Variants in PARG observed in about 807,000 individuals in gnomAD.
The protein encoded by PARG is poly(ADP-ribose) glycohydrolase.
Under a neutral mutation model 113.0 loss-of-function variants are expected in PARG, and 35 were observed. The ratio of observed to expected loss-of-function variants is 0.31; its 90% CI spans 0.24 to 0.41. The LOEUF is 0.41. Among genes scored for constraint, PARG ranks in the 10% least tolerant of loss-of-function variants. PARG has a pLI of 1.00. For synonymous variants in PARG, 330 were observed against 409.9 expected (o/e 0.81, Z 2.36); for missense variants, 797 against 1,169.4 (o/e 0.68, Z 4.64).
chr10:49,841,899 G>T, intron 15 of PARG, 51 bp downstream of exon 15: 3 of 1,104,772 alleles, frequency 2.7e-6, no homozygotes, highest in Non-Finnish European at 2.7e-6. Flanking sequence ...TAATAAAATG[G>T]CAGTAAATAG....
chr10:49,928,235 C>T (rs1838311295), intron 4 of PARG, among the ~76,000 whole-genome samples: 1 of 151,820 alleles, frequency 6.6e-6, no homozygotes, highest in African/African-American at 2.4e-5. Context: ...CACACCACTG[C>T]ACTCCAGTCT....
chr10:49,823,540 A>G (rs769089131), intron 16 of PARG, among the ~76,000 whole-genome samples: 17 of 152,204 alleles, frequency 1.1e-4, no homozygotes, highest in Admixed American at 5.9e-4. Context: ...CAAAATAGAG[A>G]TAAGTTTTAA....
chr10:49,827,846 T>C (rs1319110088), intron 16 of PARG, among the ~76,000 whole-genome samples: 1 of 152,098 alleles, frequency 6.6e-6, no homozygotes, highest in Non-Finnish European at 1.5e-5. Flanking sequence ...AATAATTGAC[T>C]ATGTTAGGCC....
At chr10:49,827,096 T>C (rs928461725) in intron 16 of PARG, among the ~76,000 whole-genome samples, 7 of 152,178 alleles carry the variant, frequency 4.6e-5, no homozygotes, top group Non-Finnish European at 8.8e-5. Context: ...AGAATCCTAA[T>C]ACAGAACTTT....
chr10:49,862,399 G>A (rs1374441273), intron 11 of PARG, among the ~76,000 whole-genome samples: 3 of 151,310 alleles, frequency 2.0e-5, no homozygotes, highest in African/African-American at 7.3e-5. Flanking sequence ...ACTCACATAA[G>A]AGTGCCCATA....
At chr10:49,918,444 T>C (rs781964135) in intron 6 of PARG, among the ~76,000 whole-genome samples, 1 of 152,252 alleles carries the variant, frequency 6.6e-6, no homozygotes. Context: ...ATGAGATTGC[T>C]TGTCATTAGA....
chr10:49,857,563 C>G, intron 12 of PARG, 110 bp from the exon 13 acceptor site: 1 of 598,600 alleles, frequency 1.7e-6, no homozygotes, highest in Non-Finnish European at 3.0e-6. Flanking sequence ...GAAAATCAAT[C>G]CCCAAATAAG....
chr10:49,937,082 G>C (rs1838784163), intron 1 of PARG, among the ~76,000 whole-genome samples: 1 of 152,224 alleles, frequency 6.6e-6, no homozygotes, highest in Admixed American at 6.5e-5. Context: ...TTCAGTCAGA[G>C]GGAGTAAGAG....
chr10:49,826,347 A>G (rs555345402), intron 16 of PARG, among the ~76,000 whole-genome samples: 2 of 152,294 alleles, frequency 1.3e-5, no homozygotes, highest in East Asian at 3.9e-4. Context: ...CCAATGCTCT[A>G]TACTCCTACC....
At chr10:49,910,053 T>C (rs1239141295) in intron 7 of PARG, 1 of 151,860 alleles carries the variant, frequency 6.6e-6, no homozygotes, top group African/African-American at 2.4e-5. Flanking sequence ...ACAGATATAA[T>C]AACATGATCA....
rs1344229230 is a variant in PARG at position 49,937,430 on chromosome 10, C to T, written c.218-2288G>A. 4.0e-5 allele frequency among the ~76,000 whole-genome samples: 6 copies of T among 151,148 alleles called. No homozygotes were observed. In the East Asian group the frequency reaches 7.8e-4, roughly 20 times the overall value. On this transcript the variant is annotated intron_variant, in intron 1 of 17. Transcript: ENST00000616448. ...GGTGGAGCTTGCAGTGAGCGGAGAT[C>T]GCGCCACTGCACTCCAGCCTGGGCG... is the stretch of plus-strand genomic sequence containing the variant.
At chr10:49,831,671 G>A (rs570952821) in intron 16 of PARG, among the ~76,000 whole-genome samples, 1 of 152,274 alleles carries the variant, frequency 6.6e-6, no homozygotes, top group East Asian at 1.9e-4. Context: ...TGGTGTACAC[G>A]CTGATGTGCC....
intron 7 of PARG, among the ~76,000 whole-genome samples, chr10:49,900,953 G>A (rs187866979): frequency 6.6e-6 from 1 of 152,176 alleles, no homozygotes; most frequent in African/African-American, 2.4e-5. Context: ...ACAGCTAATG[G>A]TGATGTAAGT....
chr10:49,934,570 C>T (rs1838654601), intron 2 of PARG, among the ~76,000 whole-genome samples: 1 of 152,020 alleles, frequency 6.6e-6, no homozygotes, highest in Non-Finnish European at 1.5e-5. Context: ...CACAGACTGG[C>T]CGGGCGCAGT....
At chr10:49,828,088 T>TAAA (rs1564594600) in intron 16 of PARG, among the ~76,000 whole-genome samples, 5 of 5,054 alleles carry the variant, frequency 9.9e-4, no homozygotes, top group Non-Finnish European at 3.0e-3. Context: ...GTAGAAAGCT[T>TAAA]AAACAAAAAA....
chr10:49,840,164 G>A (rs1753638902), intron 15 of PARG, among the ~76,000 whole-genome samples: 1 of 152,072 alleles, frequency 6.6e-6, no homozygotes, highest in African/African-American at 2.4e-5. Flanking sequence ...CGACGGGGAG[G>A]AGATCACTTG....
In PARG at chr10:49,819,028, C is replaced by G. The variant is rs1156247725; in HGVS notation, c.*312G>C. On this transcript the variant is annotated 3_prime_UTR_variant, in exon 18 of 18. Coordinates refer to ENST00000616448, the MANE Select transcript of PARG (RefSeq NM_003631.5). ...TATGGGCAGGAAGAAAGAGACCCGA[C>G]AGGCTGAGCACAACCTTCCATGGGA... 5.1e-6 allele frequency: 1 copy of G among 194,480 alleles called. No individual in the cohort carries two copies. The highest frequency in any genetic ancestry group is 1.0e-5 in the Non-Finnish European group (1 of 95,640). 12.0% of individuals were successfully genotyped at this position (194,480 alleles called of 1,614,324 possible). A position where few individuals can be genotyped will look rare whatever the true frequency, so the allele number is the denominator to read the frequency against.
In PARG at chr10:49,852,390, T is replaced by G. The variant is rs571236288; in HGVS notation, c.2353+4916A>C. ...AATAGCTGCAGGAACGTTTAGAGAT[T>G]ACGTAAAAGGAGATTAGAATCCTTT... On this transcript the variant is annotated intron_variant, in intron 13 of 17. Coordinates refer to ENST00000616448, the MANE Select transcript of PARG (RefSeq NM_003631.5). 5.9e-4 allele frequency among the ~76,000 whole-genome samples: 90 copies of G among 151,624 alleles called. 1 individual carries two copies. The South Asian group carries it at 0.017, about 29-fold the overall frequency.
chr10:49,840,488 T>TGATACACCAAA (rs1845174721), intron 15 of PARG, among the ~76,000 whole-genome samples: 1 of 152,004 alleles, frequency 6.6e-6, no homozygotes, highest in African/African-American at 2.4e-5. Context: ...TTAGAACTGT[T>TGATACACCAAA]GATACACCAA....
Sources: allele counts gnomAD v4.1 joint callset (sites outside exome capture counted in the v4.1 genomes callset), GRCh38; gene constraint gnomAD v4.1.1; transcripts MANE v1.5; gene names NCBI Gene and HGNC (gene_info 2026-07-23, HGNC 2026-07-21).